Variants in ERBB4 observed in about 807,000 individuals in gnomAD.
ERBB4 encodes erb-b2 receptor tyrosine kinase 4.
Under a neutral mutation model 158.0 loss-of-function variants are expected in ERBB4, and 42 were observed. The observed-to-expected ratio is 0.27, with a 90% confidence interval of 0.21 to 0.34. The LOEUF is 0.34. Ranked by LOEUF, ERBB4 falls within the 10% of genes least tolerant of loss-of-function variation. The pLI, the probability that ERBB4 is intolerant of heterozygous loss-of-function variation, is 1.00. For missense variants in ERBB4, 1,333 were observed against 1,624.1 expected (o/e 0.82, Z 3.08); for synonymous variants, 583 against 558.7 (o/e 1.04, Z -0.61).
intron 1 of ERBB4, among the ~76,000 whole-genome samples, chr2:212,168,888 C>T (rs995715784): frequency 2.0e-5 from 3 of 152,084 alleles, no homozygotes. Flanking sequence ...AAATGTCAGA[C>T]TAAAGGTTTT....
At chr2:211,477,692 T>TA (rs1392921188) in intron 20 of ERBB4, among the ~76,000 whole-genome samples, 1 of 151,812 alleles carries the variant, frequency 6.6e-6, no homozygotes, top group African/African-American at 2.4e-5. Flanking sequence ...AGAAGGAGGA[T>TA]AATAGTCACT....
intron 1 of ERBB4, among the ~76,000 whole-genome samples, chr2:212,268,345 T>C (rs1574560307): frequency 6.6e-6 from 1 of 151,990 alleles, no homozygotes; most frequent in East Asian, 1.9e-4. Flanking sequence ...AATCAAGATC[T>C]TAGTGGGAAC....
In ERBB4 at chr2:211,495,902, C is replaced by T. The variant is rs187638800; in HGVS notation, c.2488-64802G>A. On this transcript the variant is annotated intron_variant, in intron 20 of 27. Transcript: ENST00000342788. Reference sequence around the variant, plus strand: ...ATATCATTTATATCTTAAAGAGAAACCTATATAACATGCTAAAAACGTAGG... The same window carrying T: ...ATATCATTTATATCTTAAAGAGAAATCTATATAACATGCTAAAAACGTAGG... 1.4e-4 allele frequency among the ~76,000 whole-genome samples: 21 copies of T among 151,862 alleles called. No individual in the cohort carries two copies. In the East Asian group the frequency reaches 3.5e-3, roughly 25 times the overall value.
chr2:212,156,009 T>C (rs544191095), intron 1 of ERBB4, among the ~76,000 whole-genome samples: 89 of 152,258 alleles, frequency 5.8e-4, no homozygotes, highest in African/African-American at 1.9e-3. Flanking sequence ...TTTTTAAATA[T>C]GTTTCTGGAT....
chr2:212,108,230 G>A (rs967414211), intron 2 of ERBB4, among the ~76,000 whole-genome samples: 5 of 152,138 alleles, frequency 3.3e-5, no homozygotes, highest in Admixed American at 6.5e-5. Flanking sequence ...AGATTTATAT[G>A]TAGGGTACCC....
At chr2:212,282,420 C>A (rs947172500) in intron 1 of ERBB4, among the ~76,000 whole-genome samples, 1 of 151,870 alleles carries the variant, frequency 6.6e-6, no homozygotes, top group African/African-American at 2.4e-5. Flanking sequence ...ATCACAACTG[C>A]ACTTGAGGTA....
At chr2:212,336,981 C>A (rs533844981) in intron 1 of ERBB4, among the ~76,000 whole-genome samples, 5 of 152,166 alleles carry the variant, frequency 3.3e-5, no homozygotes, top group African/African-American at 9.6e-5. Context: ...TTTTGAGTAG[C>A]AAGATAGAAG....
At chr2:211,392,601 C>CACACACACACACA (rs1559122671) in intron 25 of ERBB4, among the ~76,000 whole-genome samples, 2 of 134,118 alleles carry the variant, frequency 1.5e-5, no homozygotes, top group African/African-American at 5.3e-5. Flanking sequence ...CACACACACA[C>CACACACACACACA]CCCAATAATG....
chr2:211,911,598 T>C (rs766531886), intron 3 of ERBB4, among the ~76,000 whole-genome samples: 1 of 152,188 alleles, frequency 6.6e-6, no homozygotes, highest in Non-Finnish European at 1.5e-5. Context: ...CAATATTTTA[T>C]TAAATATTTT....
At chr2:212,191,967 TTATATGTTATATATGTTA>T (rs1299975840) in intron 1 of ERBB4, among the ~76,000 whole-genome samples, 38 of 108,990 alleles carry the variant, frequency 3.5e-4, no homozygotes, top group Admixed American at 3.4e-4. Flanking sequence ...GTTATATATG[TTATATGTTATATATGTTA>T]TATGTTATAT....
intron 1 of ERBB4, among the ~76,000 whole-genome samples, chr2:212,494,870 T>A (rs1690472832): frequency 6.6e-6 from 1 of 152,146 alleles, no homozygotes; most frequent in Non-Finnish European, 1.5e-5. Context: ...TAGTCATTAA[T>A]CCCTATGAAA....
intron 3 of ERBB4, among the ~76,000 whole-genome samples, chr2:211,873,099 GGAA>G (rs1380272087): frequency 6.0e-5 from 9 of 149,444 alleles, no homozygotes; most frequent in East Asian, 1.9e-4. Context: ...ATTCGGTCCA[GGAA>G]GAAGGAGTGA....
chr2:211,584,180 A>G (rs1317682609), intron 19 of ERBB4, among the ~76,000 whole-genome samples: 1 of 151,698 alleles, frequency 6.6e-6, no homozygotes, highest in Non-Finnish European at 1.5e-5. Context: ...TAAGCCTCCA[A>G]AATAAAACAT....
intron 1 of ERBB4, among the ~76,000 whole-genome samples, chr2:212,235,160 T>A (rs892242805): frequency 1.3e-5 from 2 of 152,214 alleles, no homozygotes; most frequent in African/African-American, 4.8e-5. Flanking sequence ...GTATAAGGTG[T>A]AAGGAAGGGG....
chr2:211,860,959 A>AAT (rs1325317572), intron 3 of ERBB4, among the ~76,000 whole-genome samples: 20 of 103,674 alleles, frequency 1.9e-4, no homozygotes, highest in Admixed American at 1.2e-4. Flanking sequence ...TATATATATA[A>AAT]ATATATAAAT....
intron 1 of ERBB4, among the ~76,000 whole-genome samples, chr2:212,409,281 C>T (rs1393707643): frequency 2.0e-5 from 3 of 152,064 alleles, no homozygotes; most frequent in Admixed American, 6.6e-5. Context: ...TGTTTATAAT[C>T]TTAGGTATCG....
chr2:211,834,484 A>T (rs907011319), intron 3 of ERBB4, among the ~76,000 whole-genome samples: 2 of 80,006 alleles, frequency 2.5e-5, no homozygotes, highest in African/African-American at 6.7e-5. Context: ...TGGGTCACTT[A>T]AAAAAAAAAA....
At chr2:211,717,851 C>G (rs1014522314) in intron 7 of ERBB4, among the ~76,000 whole-genome samples, 2 of 152,128 alleles carry the variant, frequency 1.3e-5, no homozygotes, top group Non-Finnish European at 2.9e-5. Context: ...ATCTACCCCC[C>G]TCATCCTTAT....
chr2:211,948,949 G>A (rs534511729), intron 2 of ERBB4, among the ~76,000 whole-genome samples: 10 of 152,010 alleles, frequency 6.6e-5, no homozygotes, highest in Non-Finnish European at 1.3e-4. Context: ...ACCTATCAAT[G>A]GCTGAACTCT....
Sources: allele counts gnomAD v4.1 joint callset (sites outside exome capture counted in the v4.1 genomes callset), GRCh38; gene constraint gnomAD v4.1.1; transcripts MANE v1.5; gene names NCBI Gene and HGNC (gene_info 2026-07-23, HGNC 2026-07-21).